The following TRDMT1 variants were observed in gnomAD, a reference collection of about 807,000 sequenced individuals.
TRDMT1 encodes tRNA aspartic acid methyltransferase 1, also known as tRNA (cytosine(38)-C(5))-methyltransferase.
A neutral mutation model predicts 51.2 loss-of-function variants in TRDMT1; 49 were observed. That is an observed-to-expected ratio of 0.96 (90% CI 0.76 to 1.21). TRDMT1 has a LOEUF of 1.21. Ranked by LOEUF, TRDMT1 falls within the 50% of genes most tolerant of loss-of-function variation. The pLI, the probability that TRDMT1 is intolerant of heterozygous loss-of-function variation, is 0.00. For missense variants in TRDMT1, 534 were observed against 462.3 expected (o/e 1.16, Z -1.42); for synonymous variants, 187 against 164.6 (o/e 1.14, Z -1.04).
At chr10:17,162,387 A>T (rs1035102841) in intron 3 of TRDMT1, 150 bp from the exon 4 acceptor site, 2 of 687,056 alleles carry the variant, frequency 2.9e-6, no homozygotes, top group African/African-American at 1.8e-5. Context: ...GTTGTTACAG[A>T]GAAGAAAATA....
chr10:17,151,227 T>C (rs1243085611), intron 10 of TRDMT1: 4 of 917,234 alleles, frequency 4.4e-6, no homozygotes, highest in Non-Finnish European at 5.2e-6. Flanking sequence ...AAAAATGACA[T>C]AATTTTTTAA....
At chr10:17,192,076 G>A (rs7088657) in intron 1 of TRDMT1, among the ~76,000 whole-genome samples, 20,605 of 152,132 alleles carry the variant, frequency 0.14, 1,483 homozygotes, top group Admixed American at 0.17. Flanking sequence ...TCCGGGCAGC[G>A]CAAAAATTAA....
intron 1 of TRDMT1, among the ~76,000 whole-genome samples, chr10:17,176,124 C>T (rs1276335983): frequency 6.6e-6 from 1 of 152,148 alleles, no homozygotes; most frequent in East Asian, 1.9e-4. Flanking sequence ...ATATAAGGAT[C>T]CATTTGCAAA....
chr10:17,151,604 G>A, intron 10 of TRDMT1: 1 of 985,438 alleles, frequency 1.0e-6, no homozygotes, highest in South Asian at 4.7e-5. Context: ...TATTTTAGAA[G>A]GAGGTTCAGT....
intron 1 of TRDMT1, among the ~76,000 whole-genome samples, chr10:17,196,671 G>T: frequency 6.6e-6 from 1 of 152,134 alleles, no homozygotes; most frequent in East Asian, 1.9e-4. Flanking sequence ...TGGCCATCTA[G>T]AATCTTTGCC....
At chr10:17,149,410 G>T (rs77173652) in intron 10 of TRDMT1, among the ~76,000 whole-genome samples, 1 of 152,134 alleles carries the variant, frequency 6.6e-6, no homozygotes, top group East Asian at 1.9e-4. Flanking sequence ...TCAGAGAAAT[G>T]CATGTATTAG....
chr10:17,151,819 A>G (rs1316875862), intron 10 of TRDMT1: 1 of 876,514 alleles, frequency 1.1e-6, no homozygotes, highest in African/African-American at 1.8e-5. Context: ...AATTTCATAA[A>G]CATTGACTCA....
intron 1 of TRDMT1, 127 bp downstream of exon 1, chr10:17,201,444 G>GCCGCCCAACAGTGT: frequency 1.2e-6 from 1 of 835,796 alleles, no homozygotes; most frequent in Admixed American, 3.4e-5. Flanking sequence ...ACAACCGAGG[G>GCCGCCCAACAGTGT]CCGCCCCACA....
chr10:17,156,657 C>A (rs2131401190), intron 8 of TRDMT1, among the ~76,000 whole-genome samples: 1 of 152,096 alleles, frequency 6.6e-6, no homozygotes, highest in East Asian at 1.9e-4. Context: ...AATAGGTAAC[C>A]AGTAAAGTAA....
chr10:17,182,760 T>A (rs1843428680), intron 1 of TRDMT1, among the ~76,000 whole-genome samples: 1 of 152,200 alleles, frequency 6.6e-6, no homozygotes, highest in Admixed American at 6.5e-5. Flanking sequence ...ATATTTTCAG[T>A]TGCCCAGTCT....
rs374534281 is a variant in TRDMT1, at chr10:17,153,494, G to A, written c.1075+13C>T. On this transcript the variant is annotated intron_variant, in intron 10 of 10. Coordinates refer to ENST00000377799, the MANE Select transcript of TRDMT1 (RefSeq NM_004412.7). Reference sequence around the variant, plus strand: ...AATACATGAAAGCTGAATTCTGCACGTATCCCACATACCGAACTCTGGAGG... The same window carrying A: ...AATACATGAAAGCTGAATTCTGCACATATCCCACATACCGAACTCTGGAGG... 177 of 1,613,346 alleles carry A rather than the reference G, an allele frequency of 1.1e-4. No individual in the cohort carries two copies. Among genetic ancestry groups the A allele is most frequent in the Admixed American group, 1.5e-4 (9 of 59,864 alleles).
At chr10:17,162,382 T>G in intron 3 of TRDMT1, 145 bp from the exon 4 acceptor site, 1 of 704,162 alleles carries the variant, frequency 1.4e-6, no homozygotes, top group South Asian at 2.0e-5. Context: ...TCTTTGTTGT[T>G]ACAGAGAAGA....
chr10:17,162,818 C>T (rs191406912), intron 3 of TRDMT1, among the ~76,000 whole-genome samples: 68 of 152,266 alleles, frequency 4.5e-4, no homozygotes, highest in African/African-American at 1.6e-3. Flanking sequence ...AATAAGTACA[C>T]TTAAAATTTA....
rs1397114119 is a variant in TRDMT1, at chr10:17,138,342, T to TA, written c.*10697dup. 6.6e-6 allele frequency among the ~76,000 whole-genome samples: 1 copy of TA among 152,238 alleles called. No homozygotes were observed. The highest frequency in any genetic ancestry group is 1.9e-4 in the East Asian group (1 of 5,196). ...TCTTTTTCAGGGACGTAACATTGCT[T>TA]AAAAGATACATTTACATATGTCAGT... On this transcript the variant is annotated 3_prime_UTR_variant, in exon 11 of 11. Coordinates refer to ENST00000377799, the MANE Select transcript of TRDMT1 (RefSeq NM_004412.7).
rs549938201 is a variant in TRDMT1 at position 17,140,598 on chromosome 10, G to T, written c.*8442C>A. Among the ~76,000 whole-genome samples, 2 of 152,246 alleles carry T rather than the reference G, an allele frequency of 1.3e-5. No individual in the cohort carries two copies. Among genetic ancestry groups the T allele is most frequent in the African/African-American group, 4.8e-5 (2 of 41,540 alleles). Reference sequence around the variant, plus strand: ...AGGGGATTATATTACATAGCATCAAGATGCAAATGAGGTAGCAACTTACAA... The same window carrying T: ...AGGGGATTATATTACATAGCATCAATATGCAAATGAGGTAGCAACTTACAA... On this transcript the variant is annotated 3_prime_UTR_variant, in exon 11 of 11. Transcript: ENST00000377799.
intron 1 of TRDMT1, 127 bp downstream of exon 1, chr10:17,201,444 G>GCCGCCCCACATTGT: frequency 3.6e-6 from 3 of 835,796 alleles, no homozygotes; most frequent in Non-Finnish European, 1.8e-6. Flanking sequence ...ACAACCGAGG[G>GCCGCCCCACATTGT]CCGCCCCACA....
intron 3 of TRDMT1, among the ~76,000 whole-genome samples, chr10:17,166,468 A>G (rs1241094902): frequency 1.3e-5 from 2 of 152,132 alleles, no homozygotes; most frequent in Non-Finnish European, 2.9e-5. Flanking sequence ...ACGTATACAT[A>G]TGTAACAAAC....
Position 17,142,856 on chromosome 10 carries a change from G to T in TRDMT1, c.*6184C>A. ...TGTGTCTTCCTGGTCCCACCTTTCA[G>T]AATTCTCCTTCTGATTCCTCTTGCA... On this transcript the variant is annotated 3_prime_UTR_variant, in exon 11 of 11. Coordinates refer to ENST00000377799, the MANE Select transcript of TRDMT1 (RefSeq NM_004412.7). 1 of 547,442 alleles carries T rather than the reference G, an allele frequency of 1.8e-6. No homozygotes were observed. The highest frequency in any genetic ancestry group is 2.3e-6 in the Non-Finnish European group (1 of 429,664). The allele number at this position is 547,442 out of a possible 1,614,324, so 33.9% of individuals were successfully genotyped here.
chr10:17,170,917 G>T (rs963800825), intron 2 of TRDMT1, among the ~76,000 whole-genome samples: 1 of 151,672 alleles, frequency 6.6e-6, no homozygotes, highest in African/African-American at 2.4e-5. Context: ...TGCTTAACTT[G>T]TTGGTATTTT....
Sources: allele counts gnomAD v4.1 joint callset (sites outside exome capture counted in the v4.1 genomes callset), GRCh38; gene constraint gnomAD v4.1.1; transcripts MANE v1.5; gene names NCBI Gene and HGNC (gene_info 2026-07-23, HGNC 2026-07-21).